Variants in SYNPO2 observed in about 807,000 individuals in gnomAD.
SYNPO2 encodes synaptopodin-2.
SYNPO2 carries 56 observed loss-of-function variants against 85.0 expected under a neutral mutation model. The observed-to-expected ratio is 0.66, with a 90% CI of 0.53 to 0.82. SYNPO2 has a LOEUF of 0.82. Ranked by LOEUF, SYNPO2 falls within the 40% of genes least tolerant of loss-of-function variation. The pLI, the probability that SYNPO2 is intolerant of heterozygous loss-of-function variation, is 0.00. For missense variants in SYNPO2, 1,575 were observed against 1,534.2 expected, an observed-to-expected ratio of 1.03 and a Z score of -0.44; for synonymous variants, 602 against 591.1, an observed-to-expected ratio of 1.02 and a Z score of -0.27.
chr4:118,959,448 C>T (rs1293674240), intron 1 of SYNPO2, among the ~76,000 whole-genome samples: 1 of 152,146 alleles, frequency 6.6e-6, no homozygotes, highest in Non-Finnish European at 1.5e-5. Flanking sequence ...TCACTTTTTC[C>T]AGGTGCTCAC....
chr4:119,018,065 T>C (rs1420064162), intron 1 of SYNPO2, among the ~76,000 whole-genome samples: 1 of 152,198 alleles, frequency 6.6e-6, no homozygotes, highest in Non-Finnish European at 1.5e-5. Flanking sequence ...ATTTAGTCTA[T>C]GAAATGTAAA....
In SYNPO2 at chr4:118,917,352, T is replaced by C. The variant is rs188618179; in HGVS notation, c.105+28211T>C. ...TTTGCAGTGAGCCAAGATCGCACCA[T>C]TGGACTCTAGCCTGGGTAATAAGAG... On this transcript the variant is annotated intron_variant, in intron 1 of 4. Coordinates refer to ENST00000307142, the MANE Select transcript of SYNPO2 (RefSeq NM_133477.3). Among the ~76,000 whole-genome samples, 750 of 152,166 alleles carry C rather than the reference T, an allele frequency of 4.9e-3. 3 individuals are homozygous for C. The highest frequency in any genetic ancestry group is 0.017 in the African/African-American group (716 of 41,512).
Position 119,057,957 on chromosome 4 carries a change from G to GCCAA in SYNPO2, c.*25_*28dup. 6.3e-7 allele frequency: 1 copy of GCCAA among 1,575,898 alleles called. No homozygotes were observed. The highest frequency in any genetic ancestry group is 8.6e-7 in the Non-Finnish European group (1 of 1,166,676). ...TGAAAGTTAGAAGAACGGATCATGT[G>GCCAA]CCAACTGTAGTTTTTTAAAAAAAAC... is the stretch of plus-strand genomic sequence containing the variant. On this transcript the variant is annotated 3_prime_UTR_variant, in exon 5 of 5. Transcript: ENST00000307142.
rs1300713182 is a variant in SYNPO2 at position 119,030,256 on chromosome 4, T to C, written c.1481T>C (p.Met494Thr). Residue 494 changes from methionine (M) to threonine (T), a missense_variant, in exon 4 of 5, where the codon ATG (methionine) becomes ACG (threonine). This residue lies in a region of SYNPO2 where 1,508 missense variants were observed against 1,446.8 expected (regional missense o/e 1.04). Coordinates refer to ENST00000307142, the MANE Select transcript of SYNPO2 (RefSeq NM_133477.3). The part of the protein sequence containing the change: ...LPDTTGKGAL[M>T]FAKRRERMDQ... ...GACACCACAGGCAAGGGAGCCCTCATGTTTGCCAAGAGGAGGGAGAGAATG... is the reference window on the plus strand; with the variant it reads ...GACACCACAGGCAAGGGAGCCCTCACGTTTGCCAAGAGGAGGGAGAGAATG... 6.2e-7 allele frequency: 1 copy of C among 1,613,858 alleles called. No individual in the cohort carries two copies. The highest frequency in any genetic ancestry group is 1.7e-5 in the Admixed American group (1 of 59,958).
At chr4:119,037,033 A>C in intron 4 of SYNPO2, 1 of 1,392,476 alleles carries the variant, frequency 7.2e-7, no homozygotes, top group African/African-American at 1.5e-5. Context: ...TTTTGGTTCC[A>C]AATGTAAAGC....
intron 1 of SYNPO2, among the ~76,000 whole-genome samples, chr4:118,945,457 T>C (rs1734467611): frequency 1.3e-5 from 2 of 152,194 alleles, no homozygotes; most frequent in Non-Finnish European, 2.9e-5. Context: ...CACTGAAACA[T>C]ATCTTACCTG....
chr4:119,031,626 G>C lies in SYNPO2; in HGVS notation c.2851G>C (p.Gly951Arg). ...QPSAAQPSKM[G>R]KKKGKKPLNA... ...ATCAGCTGCACAGCCCTCCAAAATGGGCAAGAAAAAGGGAAAGAAACCCCT... is the reference window on the plus strand; with the variant it reads ...ATCAGCTGCACAGCCCTCCAAAATGCGCAAGAAAAAGGGAAAGAAACCCCT... The change falls in exon 4 of 5, where the codon GGC becomes CGC. Residue 951 changes from glycine to arginine, a missense_variant. Physicochemically the swap from Gly to Arg is moderately radical, Grantham distance 125. Around this residue, in one of 3 missense-constraint regions of SYNPO2, gnomAD observed 1,508 missense variants for 1,446.8 expected, o/e 1.04. Coordinates refer to ENST00000307142, the MANE Select transcript of SYNPO2 (RefSeq NM_133477.3). 6.2e-7 allele frequency: 1 copy of C among 1,613,970 alleles called. No individual in the cohort carries two copies. The highest frequency in any genetic ancestry group is 8.5e-7 in the Non-Finnish European group (1 of 1,179,986).
chr4:118,923,508 A>G (rs763307674), intron 1 of SYNPO2, among the ~76,000 whole-genome samples: 3 of 152,090 alleles, frequency 2.0e-5, no homozygotes, highest in Non-Finnish European at 4.4e-5. Context: ...CAATTTACCT[A>G]TATAACAAAC....
intron 1 of SYNPO2, among the ~76,000 whole-genome samples, chr4:118,915,329 A>C (rs547689525): frequency 6.6e-6 from 1 of 152,270 alleles, no homozygotes; most frequent in East Asian, 1.9e-4. Flanking sequence ...GTCATTCTGA[A>C]TTCTATTCCA....
intron 1 of SYNPO2, among the ~76,000 whole-genome samples, chr4:118,895,459 G>A (rs1040605585): frequency 1.3e-5 from 2 of 152,204 alleles, no homozygotes; most frequent in African/African-American, 4.8e-5. Flanking sequence ...TCCTCTCTGA[G>A]GCTGGTGTCC....
At chr4:118,900,460 A>G (rs1374109694) in intron 1 of SYNPO2, among the ~76,000 whole-genome samples, 4 of 152,132 alleles carry the variant, frequency 2.6e-5, no homozygotes, top group Admixed American at 2.0e-4. Flanking sequence ...TGTATGATAT[A>G]AAAACTTTTC....
rs201531907 is a variant in SYNPO2, at chr4:119,027,430, G to A, written c.1061G>A (p.Arg354Gln). ...AGCAGACCTCACAAGCACCGAGCGC[G>A]GCATGCACGTAAGTTCTGCCTGGGC... ...DHSRPHKHRA[R>Q]HARLRRSESL... The change falls in exon 3 of 5, where the codon CGG (arginine) becomes CAG (glutamine). Residue 354 changes from arginine (R) to glutamine (Q), a missense_variant. Around this residue, in one of 3 missense-constraint regions of SYNPO2, gnomAD observed 1,508 missense variants for 1,446.8 expected, o/e 1.04. Coordinates refer to ENST00000307142, the MANE Select transcript of SYNPO2 (RefSeq NM_133477.3). 571 of 1,592,024 alleles carry A rather than the reference G, an allele frequency of 3.6e-4. 1 individual carries two copies. The highest frequency in any genetic ancestry group is 4.8e-4 in the Non-Finnish European group (557 of 1,164,986).
intron 1 of SYNPO2, among the ~76,000 whole-genome samples, chr4:118,853,703 G>A (rs575077476): frequency 3.9e-5 from 6 of 152,214 alleles, no homozygotes; most frequent in Admixed American, 2.0e-4. Context: ...TAGGGGTAGC[G>A]GGAGAAGTAT....
At chr4:118,869,487 C>T (rs1731762907) in intron 1 of SYNPO2, among the ~76,000 whole-genome samples, 1 of 152,144 alleles carries the variant, frequency 6.6e-6, no homozygotes, top group Non-Finnish European at 1.5e-5. Flanking sequence ...TTTAGTGTTT[C>T]CATTTAACTG....
chr4:118,873,055 C>T (rs1578509908), intron 1 of SYNPO2, among the ~76,000 whole-genome samples: 1 of 152,226 alleles, frequency 6.6e-6, no homozygotes, highest in East Asian at 1.9e-4. Context: ...TACACACACA[C>T]ACATACACAC....
intron 1 of SYNPO2, among the ~76,000 whole-genome samples, chr4:118,871,129 A>G (rs1731790812): frequency 6.6e-6 from 1 of 152,160 alleles, no homozygotes. Context: ...TATGATTTAA[A>G]TTTATAACAA....
At chr4:119,034,014 T>C in intron 4 of SYNPO2, 31 of 985,440 alleles carry the variant, frequency 3.1e-5, no homozygotes, top group Non-Finnish European at 3.7e-5. Context: ...AACCACAGGA[T>C]GTAGCTTGGT....
chr4:119,007,787 G>A (rs1000977496), intron 1 of SYNPO2, among the ~76,000 whole-genome samples: 2 of 151,848 alleles, frequency 1.3e-5, no homozygotes, highest in African/African-American at 2.4e-5. Context: ...TTGGCGAACC[G>A]ACAAAACATT....
At chr4:119,008,293 T>G (rs1251922955) in intron 1 of SYNPO2, among the ~76,000 whole-genome samples, 1 of 152,164 alleles carries the variant, frequency 6.6e-6, no homozygotes. Flanking sequence ...CAGTTCTTCC[T>G]GGGTCTATCC....
Sources: allele counts gnomAD v4.1 joint callset (sites outside exome capture counted in the v4.1 genomes callset), GRCh38; gene constraint gnomAD v4.1.1; regional missense constraint gnomAD v4.1.1; transcripts MANE v1.5; gene names NCBI Gene and HGNC (gene_info 2026-07-23, HGNC 2026-07-21).